ITIH4: variants seen among roughly 807,000 people sequenced by gnomAD.
ITIH4 encodes the protein inter-alpha-trypsin inhibitor heavy chain H4.
ITIH4 carries 79 observed loss-of-function variants against 111.8 expected under a neutral mutation model. The observed-to-expected ratio is 0.71, with a 90% confidence interval of 0.59 to 0.85. The LOEUF is 0.85. Among genes scored for constraint, ITIH4 ranks in the 40% least tolerant of loss-of-function variants. The probability of loss-of-function intolerance (pLI) is 0.00; values close to 1 mark genes in which losing one functional copy is unlikely to be tolerated. For synonymous variants in ITIH4, 472 were observed against 468.3 expected, an observed-to-expected ratio of 1.01 and a Z score of -0.10; for missense variants, 1,065 against 1,195.8, an observed-to-expected ratio of 0.89 and a Z score of 1.61.
Position 52,826,570 on chromosome 3 carries a change from CGTCTACCAGCTGGT to C in ITIH4, c.587_600del (p.Asn196SerfsTer8). 1 of 1,614,020 alleles carries C rather than the reference CGTCTACCAGCTGGT, an allele frequency of 6.2e-7. No homozygotes were observed. Among genetic ancestry groups the C allele is most frequent in the Non-Finnish European group, 8.5e-7 (1 of 1,179,956 alleles). ...GTCTTATTCTGCCAGGTGGTGAGGGCGTCTACCAGCTGGTTGGTCATGAAGGTGCTCTCTGTCTC... is the reference window on the plus strand; with the variant it reads ...GTCTTATTCTGCCAGGTGGTGAGGGCTGGTCATGAAGGTGCTCTCTGTCTC... On this transcript the variant is annotated frameshift_variant, in exon 5 of 24. Coordinates refer to ENST00000266041, the MANE Select transcript of ITIH4 (RefSeq NM_002218.5). LOFTEE classifies it high-confidence loss of function.
chr3:52,814,371 A>AG lies in ITIH4; in HGVS notation c.2472-9_2472-8insC, dbSNP rs758600963. The AG allele has an allele frequency of 3.1e-6, 5 of 1,613,652 alleles. No individual in the cohort carries two copies. The East Asian group carries it at 1.1e-4, about 36-fold the overall frequency. Reference sequence around the variant, plus strand: ...TCCATGGTCATCTTCAGGCTGTGGAAAGACCCAGTGTCTTGAGCAGGAAGG... The same window carrying AG: ...TCCATGGTCATCTTCAGGCTGTGGAAGAGACCCAGTGTCTTGAGCAGGAAGG... On this transcript the variant is annotated splice_polypyrimidine_tract_variant and intron_variant, in intron 21 of 23. Transcript: ENST00000266041.
chr3:52,818,353 T>C lies in ITIH4; in HGVS notation c.2153-70A>G, dbSNP rs1443077435. The C allele has an allele frequency of 3.2e-6, 5 of 1,566,054 alleles. No homozygotes were observed. In the East Asian group the frequency reaches 1.1e-4, roughly 35 times the overall value. ...AGTGGGAGGTTGAGGGAGGGAGCAG[T>C]GACTAGGTGTGGCTGGGTTCCCTCA... On this transcript the variant is annotated intron_variant, in intron 18 of 23. Coordinates refer to ENST00000266041, the MANE Select transcript of ITIH4 (RefSeq NM_002218.5).
intron 17 of ITIH4, 38 bp from the exon 18 acceptor site, chr3:52,818,574 A>G (rs547300163): frequency 1.3e-6 from 2 of 1,563,112 alleles, no homozygotes; most frequent in South Asian, 2.3e-5. Flanking sequence ...AGGGAGCAGG[A>G]AGGCAGTCAG....
At chr3:52,818,362 G>A in intron 18 of ITIH4, 79 bp from the exon 19 acceptor site, 6 of 1,570,480 alleles carry the variant, frequency 3.8e-6, no homozygotes, top group Non-Finnish European at 2.6e-6. Context: ...GTGACTAGGT[G>A]TGGCTGGGTT....
Position 52,823,772 on chromosome 3 carries a change from G to T in ITIH4, c.1354-31C>A, listed in dbSNP as rs200977741. The T allele has an allele frequency of 2.0e-5, 33 of 1,613,778 alleles. No individual in the cohort carries two copies. In the Admixed American group the frequency reaches 5.0e-4, roughly 24 times the overall value. ...GGGTTGGGGGTGTCATAAAGGCTGG[G>T]CTTTATGACTGCCCACTTCTCTGTG... On this transcript the variant is annotated intron_variant, in intron 10 of 23. Coordinates refer to ENST00000266041, the MANE Select transcript of ITIH4 (RefSeq NM_002218.5).
intron 14 of ITIH4, 49 bp downstream of exon 14, chr3:52,820,242 G>C: frequency 6.2e-7 from 1 of 1,613,392 alleles, no homozygotes; most frequent in East Asian, 2.2e-5. Flanking sequence ...TGGACCCTGT[G>C]TTAGCAGACC....
chr3:52,830,500 C>T (rs780373788), intron 1 of ITIH4, 53 bp downstream of exon 1: 1 of 1,534,252 alleles, frequency 6.5e-7, no homozygotes, highest in Non-Finnish European at 9.0e-7. Flanking sequence ...TTCCCCACTT[C>T]CCAGGCGTTC....
intron 13 of ITIH4, 148 bp downstream of exon 13, chr3:52,820,483 T>C (rs1213442698): frequency 8.4e-7 from 1 of 1,190,008 alleles, no homozygotes; most frequent in Non-Finnish European, 1.2e-6. Context: ...CCGGCTTCAC[T>C]TTCCTCATCA....
intron 20 of ITIH4, among the ~76,000 whole-genome samples, chr3:52,817,727 C>T (rs761531905): frequency 3.3e-5 from 5 of 152,242 alleles, no homozygotes; most frequent in Non-Finnish European, 5.9e-5. Flanking sequence ...TCTGTGCACC[C>T]GCCATGGCCC....
At chr3:52,826,484 G>A (rs771215609) in intron 5 of ITIH4, 57 bp downstream of exon 5, 41 of 1,312,936 alleles carry the variant, frequency 3.1e-5, no homozygotes, top group Non-Finnish European at 4.3e-5. Flanking sequence ...GGGCTCATAG[G>A]GCTGGCCTGA....
chr3:52,820,545 C>A, intron 13 of ITIH4, 86 bp downstream of exon 13: 1 of 1,490,008 alleles, frequency 6.7e-7, no homozygotes. Context: ...CGGTTGGGGT[C>A]TTGGTCAGGA....
At position 52,823,990 on chromosome 3, in the gene ITIH4, T is replaced by TG; in HGVS notation, c.1185dup (p.Arg396GlnfsTer6). ...TCCCGCACGTTATTCTGGATGCTCC[T>TG]GGGGTTAGTCTCCCCTGGACCCAGG... is the stretch of plus-strand genomic sequence containing the variant. On this transcript the variant is annotated frameshift_variant, in exon 10 of 24. Transcript: ENST00000266041. LOFTEE classifies it high-confidence loss of function. 1 of 1,571,534 alleles carries TG rather than the reference T, an allele frequency of 6.4e-7. No individual in the cohort carries two copies.
rs1700370716 is a variant in ITIH4, at chr3:52,821,012, A to T, written c.1658T>A (p.Ile553Asn). Residue 553 changes from isoleucine (I) to asparagine (N), a missense_variant, in exon 12 of 24, where the codon ATC (isoleucine) becomes AAC (asparagine). Transcript: ENST00000266041. Reference protein sequence around the residue: ...FMERLWAYLTIQQLLEQTVSA... With the variant: ...FMERLWAYLTNQQLLEQTVSA... ...TCACGTTTGCTCCAGCAGCTGCTGGATAGTCAGGTATGCCCAGAGCCTCTC... is the reference window on the plus strand; with the variant it reads ...TCACGTTTGCTCCAGCAGCTGCTGGTTAGTCAGGTATGCCCAGAGCCTCTC... 1 of 1,613,942 alleles carries T rather than the reference A, an allele frequency of 6.2e-7. No individual in the cohort carries two copies. The highest frequency in any genetic ancestry group is 1.3e-5 in the African/African-American group (1 of 74,924).
chr3:52,820,968 T>A (rs778624783), intron 12 of ITIH4, 23 bp downstream of exon 12: 21 of 1,611,932 alleles, frequency 1.3e-5, no homozygotes, highest in Non-Finnish European at 1.7e-5. Context: ...GCGACAGGCT[T>A]AGGGAGGTGC....
chr3:52,814,449 TC>T, intron 21 of ITIH4, 86 bp from the exon 22 acceptor site: 1 of 1,179,912 alleles, frequency 8.5e-7, no homozygotes, highest in Non-Finnish European at 1.2e-6. Context: ...GGGCTGGGCT[TC>T]CCCTCTTGTC....
intron 20 of ITIH4, among the ~76,000 whole-genome samples, chr3:52,817,529 C>T (rs964697293): frequency 3.3e-5 from 5 of 152,126 alleles, no homozygotes; most frequent in Non-Finnish European, 5.9e-5. Flanking sequence ...CTGGGCGGTG[C>T]GGGGGTGAGC....
At chr3:52,825,534 G>A (rs1330678354) in intron 6 of ITIH4, among the ~76,000 whole-genome samples, 1 of 151,996 alleles carries the variant, frequency 6.6e-6, no homozygotes, top group East Asian at 1.9e-4. Flanking sequence ...GGAGTTTGAC[G>A]GTGCAGTGAG....
At chr3:52,815,237 T>C (rs1220442938) in intron 21 of ITIH4, among the ~76,000 whole-genome samples, 1 of 148,094 alleles carries the variant, frequency 6.8e-6, no homozygotes, top group African/African-American at 2.6e-5. Flanking sequence ...GTGGGTTTTT[T>C]TCTTTTTTCT....
intron 11 of ITIH4, among the ~76,000 whole-genome samples, chr3:52,821,725 C>T (rs1219298090): frequency 1.3e-5 from 2 of 152,188 alleles, no homozygotes; most frequent in African/African-American, 4.8e-5. Flanking sequence ...TCCCTCCTCC[C>T]TCAGGGAGGG....
Sources: allele counts gnomAD v4.1 joint callset (sites outside exome capture counted in the v4.1 genomes callset), GRCh38; gene constraint gnomAD v4.1.1; transcripts MANE v1.5; gene names NCBI Gene and HGNC (gene_info 2026-07-23, HGNC 2026-07-21).